The following HELLS variants were observed in gnomAD, a reference collection of about 807,000 sequenced individuals.
HELLS encodes helicase, lymphoid specific, also known as lymphoid-specific helicase.
HELLS carries 32 observed loss-of-function variants against 120.0 expected under a neutral mutation model. That is an observed-to-expected ratio of 0.27 (90% CI 0.20 to 0.36). HELLS has a LOEUF of 0.36. Among genes scored for constraint, HELLS ranks in the 10% least tolerant of loss-of-function variants. The pLI, the probability that HELLS is intolerant of heterozygous loss-of-function variation, is 1.00. For synonymous variants in HELLS, 341 were observed against 323.4 expected, an observed-to-expected ratio of 1.05 and a Z score of -0.58; for missense variants, 650 against 993.4, an observed-to-expected ratio of 0.65 and a Z score of 4.65.
intron 6 of HELLS, 83 bp from the exon 7 acceptor site, chr10:94,571,305 A>C: frequency 8.9e-7 from 1 of 1,126,646 alleles, no homozygotes; most frequent in Non-Finnish European, 1.3e-6. Context: ...TGGCAAAATG[A>C]GCACAGAATA....
At chr10:94,554,344 TAAG>T (rs1273517754) in intron 3 of HELLS, 96 bp downstream of exon 3, 10 of 902,982 alleles carry the variant, frequency 1.1e-5, no homozygotes, top group South Asian at 2.4e-5. Flanking sequence ...GGACAGATTT[TAAG>T]TGTACGGTTT....
intron 2 of HELLS, 41 bp from the exon 3 acceptor site, chr10:94,554,085 C>A: frequency 6.6e-7 from 1 of 1,506,186 alleles, no homozygotes; most frequent in Non-Finnish European, 8.8e-7. Context: ...TAAGGTATGT[C>A]AGAAAGTGTT....
At chr10:94,612,266 C>A (rs1846201060) in exon 10 of HELLS, 2 of 151,608 alleles carry the variant, frequency 1.3e-5, no homozygotes, top group African/African-American at 4.9e-5. Flanking sequence ...ATAAGAAACT[C>A]AGTGTTGCTG....
At chr10:94,589,487 G>T (rs1845350700) in intron 13 of HELLS, among the ~76,000 whole-genome samples, 1 of 152,112 alleles carries the variant, frequency 6.6e-6, no homozygotes, top group Non-Finnish European at 1.5e-5. Context: ...ATTTGATGAT[G>T]ATTATTCATC....
intron 10 of HELLS, among the ~76,000 whole-genome samples, chr10:94,578,018 G>C (rs1421860711): frequency 1.4e-5 from 2 of 143,944 alleles, no homozygotes; most frequent in East Asian, 4.3e-4. Context: ...AGCCGAGATT[G>C]CGCCACTGCA....
chr10:94,548,138 G>C (rs974455405), intron 2 of HELLS, among the ~76,000 whole-genome samples: 2 of 152,116 alleles, frequency 1.3e-5, no homozygotes, highest in Non-Finnish European at 2.9e-5. Context: ...TGCATCACTT[G>C]CTGTTTTGTT....
At chr10:94,586,207 A>G (rs4918412) in intron 12 of HELLS, among the ~76,000 whole-genome samples, 73,094 of 151,338 alleles carry the variant, frequency 0.48, 18,184 homozygotes, top group East Asian at 0.78. Context: ...TGCAAGCTGC[A>G]CCTCCCGGGT....
At chr10:94,560,696 CTAAATAAA>C (rs201682761) in intron 4 of HELLS, among the ~76,000 whole-genome samples, 110 of 151,280 alleles carry the variant, frequency 7.3e-4, no homozygotes, top group African/African-American at 2.6e-3. Flanking sequence ...GACTCTGTTC[CTAAATAAA>C]TAAATAAATA....
At chr10:94,574,806 TAA>T (rs1396703930) in intron 9 of HELLS, 70 bp downstream of exon 9, 54 of 1,248,708 alleles carry the variant, frequency 4.3e-5, no homozygotes, top group Non-Finnish European at 6.1e-5. Context: ...TAGTAGGAAT[TAA>T]ATTGTAGAAC....
chr10:94,577,106 A>C, intron 10 of HELLS: 1 of 486,900 alleles, frequency 2.1e-6, no homozygotes, highest in Non-Finnish European at 3.9e-6. Context: ...GGTACTTTGA[A>C]TATATGGAAT....
At chr10:94,570,328 GTTTCA>G (rs1844077593) in intron 6 of HELLS, 1 of 152,006 alleles carries the variant, frequency 6.6e-6, no homozygotes, top group Non-Finnish European at 1.5e-5. Flanking sequence ...TCTTTCAAAA[GTTTCA>G]TTTTATCTAG....
chr10:94,557,547 G>C (rs1265339077), intron 3 of HELLS, among the ~76,000 whole-genome samples: 1 of 152,110 alleles, frequency 6.6e-6, no homozygotes, highest in East Asian at 1.9e-4. Flanking sequence ...TTTCTACTTT[G>C]GCTGAGAGAA....
At chr10:94,584,895 C>G (rs372096540) in intron 12 of HELLS, among the ~76,000 whole-genome samples, 1 of 152,032 alleles carries the variant, frequency 6.6e-6, no homozygotes, top group Admixed American at 6.5e-5. Context: ...CTCTGTAATA[C>G]TGTGCTTAAA....
exon 10 of HELLS, chr10:94,612,743 T>C (rs548853683): frequency 1.6e-4 from 24 of 152,148 alleles, no homozygotes; most frequent in African/African-American, 5.5e-4. Flanking sequence ...CTGGTCAACA[T>C]GGTGAAACCC....
chr10:94,603,151 G>A (rs886663706), downstream of HELLS, among the ~76,000 whole-genome samples: 5 of 152,162 alleles, frequency 3.3e-5, no homozygotes, highest in Non-Finnish European at 5.9e-5. Flanking sequence ...TGAGCCAATT[G>A]CAATGTCTCA....
downstream of HELLS, among the ~76,000 whole-genome samples, chr10:94,605,433 T>C (rs116376813): frequency 4.5e-3 from 679 of 152,192 alleles, 6 homozygotes; most frequent in African/African-American, 0.015. Flanking sequence ...TGATGGATTA[T>C]GTTGTCTTGT....
chr10:94,546,213 A>G (rs1392321666), intron 1 of HELLS, among the ~76,000 whole-genome samples, 164 bp from the exon 2 acceptor site: 4 of 152,096 alleles, frequency 2.6e-5, no homozygotes, highest in Admixed American at 6.5e-5. Context: ...ACTTGTAGAC[A>G]TTGTGAAGAC....
At chr10:94,562,904 A>T (rs1843625358) in intron 6 of HELLS, 28 bp downstream of exon 6, 2 of 1,346,866 alleles carry the variant, frequency 1.5e-6, no homozygotes, top group East Asian at 4.6e-5. Flanking sequence ...AGGGCACCTA[A>T]CATTTGATGT....
At chr10:94,553,139 C>A (rs1009550499) in intron 2 of HELLS, among the ~76,000 whole-genome samples, 1 of 152,130 alleles carries the variant, frequency 6.6e-6, no homozygotes, top group Non-Finnish European at 1.5e-5. Flanking sequence ...TAGGCAATCA[C>A]TTTTTATGAG....
Sources: allele counts gnomAD v4.1 joint callset (sites outside exome capture counted in the v4.1 genomes callset), GRCh38; gene constraint gnomAD v4.1.1; transcripts MANE v1.5; gene names NCBI Gene and HGNC (gene_info 2026-07-23, HGNC 2026-07-21).